Variants in ZSCAN30 observed in about 807,000 individuals in gnomAD.
ZSCAN30 encodes zinc finger and SCAN domain-containing protein 30.
ZSCAN30 carries 37 observed loss-of-function variants against 44.3 expected under a neutral mutation model. That is an observed-to-expected ratio of 0.84 (90% CI 0.64 to 1.10). The LOEUF (loss-of-function observed/expected upper bound fraction) is 1.10, where lower values mean the gene tolerates loss of function less well. Ranked by LOEUF, ZSCAN30 falls within the 50% of genes least tolerant of loss-of-function variation. The pLI is 0.00. For synonymous variants in ZSCAN30, 181 were observed against 204.6 expected, an observed-to-expected ratio of 0.88 and a Z score of 0.98; for missense variants, 549 against 582.6, an observed-to-expected ratio of 0.94 and a Z score of 0.59.
chr18:35,278,222 A>G (rs572898929), intron 1 of ZSCAN30, among the ~76,000 whole-genome samples: 1 of 152,232 alleles, frequency 6.6e-6, no homozygotes, highest in East Asian at 1.9e-4. Context: ...AACTGGTCCT[A>G]TCTTCTAGAC....
chr18:35,272,068 C>T (rs1470430759), intron 1 of ZSCAN30, among the ~76,000 whole-genome samples: 2 of 152,226 alleles, frequency 1.3e-5, no homozygotes, highest in Non-Finnish European at 2.9e-5. Context: ...CAGAGAGGGG[C>T]TTCCACAGTG....
Position 35,253,955 on chromosome 18 carries a change from C to G in ZSCAN30, c.980G>C (p.Arg327Thr), listed in dbSNP as rs768216349. 1 of 1,614,062 alleles carries G rather than the reference C, an allele frequency of 6.2e-7. No homozygotes were observed. Among genetic ancestry groups the G allele is most frequent in the Non-Finnish European group, 8.5e-7 (1 of 1,179,990 alleles). Reference protein sequence around the residue: ...IRHQRIHTGERPYACKECGKA... With the variant: ...IRHQRIHTGETPYACKECGKA... ...GCCACATTCTTTACATGCATAAGGT[C>G]TCTCTCCAGTATGAATTCTCTGATG... Residue 327 changes from arginine (R) to threonine (T), a missense_variant, in exon 4 of 4, where the codon AGA (arginine) becomes ACA (threonine). Transcript: ENST00000333206.
In ZSCAN30 at chr18:35,252,366, A is replaced by G. The variant is rs2043628896; in HGVS notation, c.*1084T>C. On this transcript the variant is annotated 3_prime_UTR_variant, in exon 4 of 4. Coordinates refer to ENST00000333206, the MANE Select transcript of ZSCAN30 (RefSeq NM_001112734.4). The stretch of plus-strand genomic sequence containing the variant: ...CTCTGGGACTCAGGCAGTGGGAAGT[A>G]TAAAGGAACACGGTGATCTGCCTTC... 1 of 152,258 alleles carries G rather than the reference A, an allele frequency of 6.6e-6. No individual in the cohort carries two copies. The allele number at this position is 152,258 out of a possible 1,614,324, so 9.4% of individuals were successfully genotyped here.
At chr18:35,272,740 C>T (rs576307703) in intron 1 of ZSCAN30, among the ~76,000 whole-genome samples, 76 of 152,290 alleles carry the variant, frequency 5.0e-4, no homozygotes, top group African/African-American at 1.3e-3. Context: ...TCCGTTTTCA[C>T]GCTGCTGATA....
rs901163053 is a variant in ZSCAN30, at chr18:35,251,629, G to A, written c.*1821C>T. 3.3e-5 allele frequency: 5 copies of A among 152,112 alleles called. No individual in the cohort carries two copies. Among genetic ancestry groups the A allele is most frequent in the Admixed American group, 2.0e-4 (3 of 15,270 alleles). The allele number at this position is 152,112 out of a possible 1,614,324, so 9.4% of individuals were successfully genotyped here. On this transcript the variant is annotated 3_prime_UTR_variant, in exon 4 of 4. Transcript: ENST00000333206. ...GAGCAGATTTCCCCCTTGTTCTCAT[G>A]ATAGTGAATTCTCATGAGATTTGGC...
At chr18:35,261,259 G>A (rs1598622179) in intron 3 of ZSCAN30, 1 of 152,198 alleles carries the variant, frequency 6.6e-6, no homozygotes, top group Non-Finnish European at 1.5e-5. Context: ...TAGTAGCCTT[G>A]TAGTACAGAT....
In ZSCAN30 at chr18:35,253,736, A is replaced by T; in HGVS notation, c.1199T>A (p.Leu400His). ...CGKAFSRSSA[L>H]IQHKKIHTGD... ...AGTGTGAATTTTCTTATGCTGAATA[A>T]GGGCTGAGCTCCGGCTGAAGGCCTT... The change falls in exon 4 of 4, where the codon CTT becomes CAT. Residue 400 changes from leucine to histidine, a missense_variant. Leu to His is a moderately conservative substitution (Grantham distance 99). Transcript: ENST00000333206. 1 of 1,614,162 alleles carries T rather than the reference A, an allele frequency of 6.2e-7. No individual in the cohort carries two copies. Among genetic ancestry groups the T allele is most frequent in the Non-Finnish European group, 8.5e-7 (1 of 1,180,026 alleles).
chr18:35,253,948 A>C lies in ZSCAN30; in HGVS notation c.987T>G (p.Tyr329Ter). The change falls in exon 4 of 4, where the codon TAT becomes TAG. Residue 329 changes from tyrosine to a stop codon, truncating the protein, a stop_gained. Transcript: ENST00000333206. LOFTEE classifies it high-confidence loss of function. ...HQRIHTGERPYACKECGKAFS... is the reference protein window; with the variant it reads ...HQRIHTGERP ...AGGCTTTGCCACATTCTTTACATGC[A>C]TAAGGTCTCTCTCCAGTATGAATTC... is the stretch of plus-strand genomic sequence containing the variant. 4 of 1,614,186 alleles carry C rather than the reference A, an allele frequency of 2.5e-6. No individual in the cohort carries two copies. Among genetic ancestry groups the C allele is most frequent in the Non-Finnish European group, 3.4e-6 (4 of 1,180,026 alleles).
At chr18:35,281,798 A>T (rs1403929000) in intron 1 of ZSCAN30, 1 of 152,126 alleles carries the variant, frequency 6.6e-6, no homozygotes. Context: ...GCTATAAGAC[A>T]TATTAGCTCC....
In ZSCAN30 at chr18:35,263,496, G is replaced by A; in HGVS notation, c.553+17C>T. ...CTCACCTCCATCCTCAACCCCACAT[G>A]GACTGGGGCTTCTCACCTCTCTCCT... On this transcript the variant is annotated intron_variant, in intron 3 of 3. Coordinates refer to ENST00000333206, the MANE Select transcript of ZSCAN30 (RefSeq NM_001112734.4). The A allele has an allele frequency of 6.2e-7, 1 of 1,613,962 alleles. No homozygotes were observed. The highest frequency in any genetic ancestry group is 8.5e-7 in the Non-Finnish European group (1 of 1,179,964).
At chr18:35,274,673 T>C (rs939019468) in intron 1 of ZSCAN30, among the ~76,000 whole-genome samples, 3 of 152,218 alleles carry the variant, frequency 2.0e-5, no homozygotes, top group Non-Finnish European at 2.9e-5. Flanking sequence ...AATCTGAAAG[T>C]GAAAGCCCAC....
intron 3 of ZSCAN30, chr18:35,259,765 CT>C (rs1402949731): frequency 6.5e-6 from 1 of 154,046 alleles, no homozygotes; most frequent in Non-Finnish European, 1.5e-5. Context: ...GTCTCTGTTC[CT>C]TAAGATTTTA....
In ZSCAN30 at chr18:35,264,221, T is replaced by G; in HGVS notation, c.132A>C (p.Gln44His). The G allele has an allele frequency of 6.2e-7, 1 of 1,614,208 alleles. No individual in the cohort carries two copies. Among genetic ancestry groups the G allele is most frequent in the Non-Finnish European group, 8.5e-7 (1 of 1,180,042 alleles). ...GCCTGAACTTCTGCCGGAATACCTCTTGGCTCCAGGGGTTTTCCTGAAGGC... is the reference window on the plus strand; with the variant it reads ...GCCTGAACTTCTGCCGGAATACCTCGTGGCTCCAGGGGTTTTCCTGAAGGC... ...DFGLQENPWS[Q>H]EVFRQKFRQF... The change falls in exon 2 of 4, where the codon CAA (glutamine) becomes CAC (histidine). Residue 44 changes from glutamine to histidine, a missense_variant. Physicochemically the swap from Gln to His is conservative, Grantham distance 24 (BLOSUM62 0). Coordinates refer to ENST00000333206, the MANE Select transcript of ZSCAN30 (RefSeq NM_001112734.4).
At position 35,252,735 on chromosome 18, in the gene ZSCAN30, C is replaced by G. The variant is rs1447244482; in HGVS notation, c.*715G>C. On this transcript the variant is annotated 3_prime_UTR_variant, in exon 4 of 4. Coordinates refer to ENST00000333206, the MANE Select transcript of ZSCAN30 (RefSeq NM_001112734.4). ...TTTTCCTACCAAAGCACTTACCACA[C>G]TTTACTGTAATTACTGTTTAGTATA... The G allele has an allele frequency of 4.6e-5, 7 of 152,172 alleles. No homozygotes were observed. The highest frequency in any genetic ancestry group is 4.6e-4 in the Admixed American group (7 of 15,268). The allele number at this position is 152,172 out of a possible 1,614,324, so 9.4% of individuals were successfully genotyped here.
At position 35,253,954 on chromosome 18, in the gene ZSCAN30, T is replaced by G; in HGVS notation, c.981A>C (p.Arg327Ser). The change falls in exon 4 of 4, where the codon AGA (arginine) becomes AGC (serine). Residue 327 changes from arginine (R) to serine (S), a missense_variant. Physicochemically the swap from Arg to Ser is moderately radical, Grantham distance 110. Coordinates refer to ENST00000333206, the MANE Select transcript of ZSCAN30 (RefSeq NM_001112734.4). The stretch of plus-strand genomic sequence containing the variant: ...TGCCACATTCTTTACATGCATAAGG[T>G]CTCTCTCCAGTATGAATTCTCTGAT... ...IRHQRIHTGE[R>S]PYACKECGKA... 1 of 1,614,138 alleles carries G rather than the reference T, an allele frequency of 6.2e-7. No homozygotes were observed. The highest frequency in any genetic ancestry group is 8.5e-7 in the Non-Finnish European group (1 of 1,180,008).
At chr18:35,270,375 C>T (rs995195583) in intron 1 of ZSCAN30, 1 of 152,190 alleles carries the variant, frequency 6.6e-6, no homozygotes, top group South Asian at 2.1e-4. Context: ...GTTTCAATAA[C>T]CTGTTAGACT....
At chr18:35,265,110 C>T (rs2044120050) in intron 1 of ZSCAN30, among the ~76,000 whole-genome samples, 1 of 151,322 alleles carries the variant, frequency 6.6e-6, no homozygotes, top group Non-Finnish European at 1.5e-5. Context: ...GGCGCCACTG[C>T]ACTCCAGCCT....
In ZSCAN30 at chr18:35,252,278, A is replaced by T. The variant is rs1285299117; in HGVS notation, c.*1172T>A. 6 of 152,240 alleles carry T rather than the reference A, an allele frequency of 3.9e-5. No homozygotes were observed. Among genetic ancestry groups the T allele is most frequent in the African/African-American group, 1.4e-4 (6 of 41,462 alleles). The allele number at this position is 152,240 out of a possible 1,614,324, so 9.4% of individuals were successfully genotyped here. A position where few individuals can be genotyped will look rare whatever the true frequency, so the allele number is the denominator to read the frequency against. On this transcript the variant is annotated 3_prime_UTR_variant, in exon 4 of 4. Coordinates refer to ENST00000333206, the MANE Select transcript of ZSCAN30 (RefSeq NM_001112734.4). Reference sequence around the variant, plus strand: ...TATGGGAAAAGGCATGTATATACACAGGGAAAGAATGCATATCAGAGGCTA... The same window carrying T: ...TATGGGAAAAGGCATGTATATACACTGGGAAAGAATGCATATCAGAGGCTA...
At chr18:35,289,495 C>T (rs1243135841) in intron 1 of ZSCAN30, 2 of 152,148 alleles carry the variant, frequency 1.3e-5, no homozygotes, top group African/African-American at 4.8e-5. Context: ...TTCCTTTCCC[C>T]ACCGGACAGC....
Sources: allele counts gnomAD v4.1 joint callset (sites outside exome capture counted in the v4.1 genomes callset), GRCh38; gene constraint gnomAD v4.1.1; transcripts MANE v1.5; gene names NCBI Gene and HGNC (gene_info 2026-07-23, HGNC 2026-07-21).